Variants in CNGB3 observed in about 807,000 individuals in gnomAD.
CNGB3 encodes the protein cyclic nucleotide-gated channel beta-3.
In CNGB3, 86 loss-of-function variants were observed where a neutral mutation model predicts 92.8. The ratio of observed to expected loss-of-function variants is 0.93; its 90% CI spans 0.78 to 1.11. CNGB3 has a LOEUF of 1.11. Among genes scored for constraint, CNGB3 ranks in the 50% least tolerant of loss-of-function variants. The probability of loss-of-function intolerance (pLI) is 0.00; values close to 1 mark genes in which losing one functional copy is unlikely to be tolerated. For synonymous variants in CNGB3, 333 were observed against 332.7 expected (o/e 1.00, Z -0.01); for missense variants, 1,026 against 956.8 (o/e 1.07, Z -0.95).
intron 6 of CNGB3, among the ~76,000 whole-genome samples, chr8:86,662,089 C>T (rs561402792): frequency 1.3e-5 from 2 of 152,214 alleles, no homozygotes; most frequent in East Asian, 1.9e-4. Flanking sequence ...CAACTCAGTC[C>T]GCAAAGCTGA....
intron 2 of CNGB3, among the ~76,000 whole-genome samples, chr8:86,735,072 T>G (rs1479273007): frequency 8.9e-6 from 1 of 112,796 alleles, no homozygotes; most frequent in Non-Finnish European, 1.9e-5. Flanking sequence ...TTTTTTTTTG[T>G]ATGGTATACT....
At chr8:86,653,899 T>C in intron 7 of CNGB3, 113 bp downstream of exon 7, 1 of 769,944 alleles carries the variant, frequency 1.3e-6, no homozygotes, top group Non-Finnish European at 2.3e-6. Context: ...GGCTTATCAT[T>C]GTCTAATAAA....
chr8:86,663,636 A>G (rs1823687096), intron 6 of CNGB3, among the ~76,000 whole-genome samples: 1 of 152,214 alleles, frequency 6.6e-6, no homozygotes, highest in South Asian at 2.1e-4. Flanking sequence ...TCTTGAATGA[A>G]TGATTCAGTG....
chr8:86,709,873 T>C (rs989580005), intron 3 of CNGB3, among the ~76,000 whole-genome samples: 2 of 152,290 alleles, frequency 1.3e-5, no homozygotes, highest in African/African-American at 4.8e-5. Context: ...AATATGTATA[T>C]GTTTTCACTT....
chr8:86,619,136 A>G (rs963091500), intron 13 of CNGB3, among the ~76,000 whole-genome samples: 5 of 152,154 alleles, frequency 3.3e-5, no homozygotes, highest in African/African-American at 1.2e-4. Flanking sequence ...CTGGTTTCCT[A>G]CTGAACTGGG....
chr8:86,641,415 C>T (rs1403505832), intron 10 of CNGB3, among the ~76,000 whole-genome samples: 3 of 151,950 alleles, frequency 2.0e-5, no homozygotes, highest in Non-Finnish European at 2.9e-5. Context: ...ATTCCATGGA[C>T]TTGCCCCAAA....
At chr8:86,590,000 T>G (rs1243686944) in intron 15 of CNGB3, among the ~76,000 whole-genome samples, 2 of 141,860 alleles carry the variant, frequency 1.4e-5, no homozygotes. Context: ...CACTCAGGAC[T>G]TGCTTTATGA....
chr8:86,581,314 T>C (rs906674616), intron 15 of CNGB3, among the ~76,000 whole-genome samples: 3 of 152,114 alleles, frequency 2.0e-5, no homozygotes, highest in South Asian at 4.1e-4. Flanking sequence ...TAATAAATTG[T>C]TGGAGGCTGA....
chr8:86,617,868 C>T (rs1003317824), intron 13 of CNGB3, among the ~76,000 whole-genome samples: 6 of 152,034 alleles, frequency 3.9e-5, no homozygotes, highest in Non-Finnish European at 5.9e-5. Flanking sequence ...GGGATGGTTT[C>T]GGGATGATTC....
intron 13 of CNGB3, among the ~76,000 whole-genome samples, chr8:86,621,502 G>T (rs1822725709): frequency 6.6e-6 from 1 of 151,784 alleles, no homozygotes; most frequent in Non-Finnish European, 1.5e-5. Flanking sequence ...AGTTTTTGGG[G>T]AACAAGTGGT....
At chr8:86,637,259 A>T (rs1293793089) in intron 10 of CNGB3, among the ~76,000 whole-genome samples, 1 of 152,180 alleles carries the variant, frequency 6.6e-6, no homozygotes, top group Non-Finnish European at 1.5e-5. Flanking sequence ...TTGGACAGGC[A>T]GTTGACCATC....
chr8:86,663,757 T>A (rs1823689492), intron 6 of CNGB3, among the ~76,000 whole-genome samples: 1 of 152,254 alleles, frequency 6.6e-6, no homozygotes, highest in Non-Finnish European at 1.5e-5. Context: ...TGCAGCTACT[T>A]ACTCTAAATT....
At chr8:86,704,237 G>A (rs1369398620) in intron 3 of CNGB3, 1 of 152,256 alleles carries the variant, frequency 6.6e-6, no homozygotes, top group Non-Finnish European at 1.5e-5. Flanking sequence ...TGCCTAAGTG[G>A]AAGTGGATCA....
intron 2 of CNGB3, among the ~76,000 whole-genome samples, chr8:86,735,420 T>A (rs945861907): frequency 6.6e-6 from 1 of 152,136 alleles, no homozygotes; most frequent in Admixed American, 6.5e-5. Context: ...ATTATAGTTT[T>A]CCATTGCTGC....
At chr8:86,593,608 G>A in intron 15 of CNGB3, 1 of 438,064 alleles carries the variant, frequency 2.3e-6, no homozygotes, top group Non-Finnish European at 4.2e-6. Flanking sequence ...ATGGCCATGA[G>A]AGGTGGTGGC....
chr8:86,722,645 T>A (rs959566420), intron 3 of CNGB3, among the ~76,000 whole-genome samples: 2 of 152,182 alleles, frequency 1.3e-5, no homozygotes, highest in African/African-American at 2.4e-5. Flanking sequence ...ATGGTTTCCC[T>A]AATGTGGGTA....
At chr8:86,602,258 C>A (rs915000902) in intron 15 of CNGB3, among the ~76,000 whole-genome samples, 4 of 151,992 alleles carry the variant, frequency 2.6e-5, no homozygotes, top group African/African-American at 9.7e-5. Flanking sequence ...TCCACCACTG[C>A]CCAAGAGCAA....
intron 15 of CNGB3, among the ~76,000 whole-genome samples, chr8:86,584,355 T>A (rs1482496697): frequency 5.3e-5 from 8 of 152,312 alleles, no homozygotes; most frequent in Non-Finnish European, 8.8e-5. Context: ...GAGGTTAATT[T>A]GAACCTGAGA....
chr8:86,723,116 G>T (rs1312794680), intron 3 of CNGB3, among the ~76,000 whole-genome samples: 3 of 151,786 alleles, frequency 2.0e-5, no homozygotes, highest in African/African-American at 7.3e-5. Context: ...AGAAACTAAG[G>T]GTGTAATCAA....
Sources: allele counts gnomAD v4.1 joint callset (sites outside exome capture counted in the v4.1 genomes callset), GRCh38; gene constraint gnomAD v4.1.1; transcripts MANE v1.5; gene names NCBI Gene and HGNC (gene_info 2026-07-23, HGNC 2026-07-21).